Variants in MACROD2 observed in about 807,000 individuals in gnomAD.
The protein encoded by MACROD2 is ADP-ribose glycohydrolase MACROD2.
In MACROD2, 36 loss-of-function variants were observed where a neutral mutation model predicts 70.4. The observed-to-expected ratio is 0.51, with a 90% CI of 0.39 to 0.68. The LOEUF is 0.68. Ranked by LOEUF, MACROD2 falls within the 30% of genes least tolerant of loss-of-function variation. The probability of loss-of-function intolerance (pLI) is 0.00; values close to 1 mark genes in which losing one functional copy is unlikely to be tolerated. For synonymous variants in MACROD2, 172 were observed against 178.8 expected, an observed-to-expected ratio of 0.96 and a Z score of 0.30; for missense variants, 496 against 538.4, an observed-to-expected ratio of 0.92 and a Z score of 0.78.
At chr20:15,260,008 TG>T (rs2077234354) in intron 6 of MACROD2, among the ~76,000 whole-genome samples, 1 of 151,880 alleles carries the variant, frequency 6.6e-6, no homozygotes, top group African/African-American at 2.4e-5. Flanking sequence ...AAATTATGGA[TG>T]CATAATAGTT....
At chr20:15,518,043 G>A (rs1314317480) in intron 8 of MACROD2, among the ~76,000 whole-genome samples, 2 of 152,226 alleles carry the variant, frequency 1.3e-5, no homozygotes, top group Non-Finnish European at 2.9e-5. Context: ...AAAGGCATCT[G>A]CCATAAAGCT....
intron 10 of MACROD2, among the ~76,000 whole-genome samples, chr20:15,927,972 T>G (rs1028682570): frequency 2.0e-5 from 3 of 152,192 alleles, no homozygotes; most frequent in Non-Finnish European, 2.9e-5. Flanking sequence ...CAGACTACTG[T>G]GAACTAAAGA....
chr20:15,869,228 TATATATATATAGAG>T (rs1221335185), intron 9 of MACROD2, among the ~76,000 whole-genome samples: 1 of 43,946 alleles, frequency 2.3e-5, no homozygotes, highest in Admixed American at 2.7e-4. Context: ...TATATATATA[TATATATATATAGAG>T]AGAGAGAGAG....
chr20:14,475,033 T>C (rs929800628), intron 3 of MACROD2, among the ~76,000 whole-genome samples: 2 of 152,158 alleles, frequency 1.3e-5, no homozygotes, highest in East Asian at 3.9e-4. Context: ...GATCTTTTCT[T>C]TCTTTTTCTC....
At chr20:15,309,384 G>A (rs1460929873) in intron 6 of MACROD2, among the ~76,000 whole-genome samples, 2 of 152,130 alleles carry the variant, frequency 1.3e-5, no homozygotes, top group African/African-American at 4.8e-5. Flanking sequence ...CTTAATTAGG[G>A]AGGGCACTGA....
intron 8 of MACROD2, among the ~76,000 whole-genome samples, chr20:15,703,841 T>G (rs1031684636): frequency 6.6e-6 from 1 of 152,208 alleles, no homozygotes; most frequent in African/African-American, 2.4e-5. Context: ...AGGCTACTCC[T>G]CACAGAGCAA....
chr20:14,399,675 GATGCATATTAGGTTGTTTACATGC>G (rs537529829), intron 3 of MACROD2, among the ~76,000 whole-genome samples: 38 of 152,190 alleles, frequency 2.5e-4, no homozygotes, highest in African/African-American at 8.4e-4. Flanking sequence ...TGACTTTGGG[GATGCATATTAGGTTGTTTACATGC>G]ATGCATATTA....
chr20:16,011,706 T>C (rs985738788), intron 15 of MACROD2, among the ~76,000 whole-genome samples: 2 of 151,874 alleles, frequency 1.3e-5, no homozygotes, highest in Non-Finnish European at 2.9e-5. Flanking sequence ...CCAGATGCCC[T>C]TGAGGCAAAT....
intron 4 of MACROD2, among the ~76,000 whole-genome samples, chr20:14,541,073 A>G (rs1432363489): frequency 6.6e-6 from 1 of 152,230 alleles, no homozygotes; most frequent in East Asian, 1.9e-4. Context: ...ATCATATTAC[A>G]TCTTAATTAC....
At chr20:15,544,461 G>A (rs1206919632) in intron 8 of MACROD2, among the ~76,000 whole-genome samples, 1 of 152,180 alleles carries the variant, frequency 6.6e-6, no homozygotes, top group East Asian at 1.9e-4. Flanking sequence ...ATTATGCCAT[G>A]GAGACATGTG....
intron 3 of MACROD2, among the ~76,000 whole-genome samples, chr20:14,277,312 G>A (rs1202171692): frequency 6.6e-6 from 1 of 152,170 alleles, no homozygotes; most frequent in African/African-American, 2.4e-5. Flanking sequence ...GCTAGGCATG[G>A]TGGCACGCAC....
At chr20:14,861,644 A>C (rs1461004675) in intron 5 of MACROD2, among the ~76,000 whole-genome samples, 1 of 151,402 alleles carries the variant, frequency 6.6e-6, no homozygotes, top group African/African-American at 2.4e-5. Context: ...CTCACAATAA[A>C]CCCCACAAAC....
chr20:14,188,097 G>A (rs753975763), intron 3 of MACROD2, among the ~76,000 whole-genome samples: 28 of 152,072 alleles, frequency 1.8e-4, no homozygotes, highest in Non-Finnish European at 3.2e-4. Flanking sequence ...AATCTAAAGG[G>A]TATATGCTTT....
intron 5 of MACROD2, among the ~76,000 whole-genome samples, chr20:14,692,157 C>G (rs1329797814): frequency 6.6e-6 from 1 of 152,150 alleles, no homozygotes; most frequent in Non-Finnish European, 1.5e-5. Flanking sequence ...TACAAATTCT[C>G]AGGCCCCACC....
chr20:14,756,144 TCTC>T (rs1382505447), intron 5 of MACROD2, among the ~76,000 whole-genome samples: 1 of 152,122 alleles, frequency 6.6e-6, no homozygotes, highest in African/African-American at 2.4e-5. Context: ...ACCAGAAACA[TCTC>T]CTGTCTCACC....
intron 4 of MACROD2, among the ~76,000 whole-genome samples, chr20:14,659,669 T>G (rs1986135152): frequency 1.3e-5 from 2 of 152,190 alleles, no homozygotes; most frequent in Non-Finnish European, 2.9e-5. Flanking sequence ...AAGCGCCTGG[T>G]GAACAAATGC....
At chr20:14,518,808 C>T (rs1327729800) in intron 4 of MACROD2, among the ~76,000 whole-genome samples, 3 of 152,088 alleles carry the variant, frequency 2.0e-5, no homozygotes, top group Non-Finnish European at 4.4e-5. Flanking sequence ...GGATATAATT[C>T]ACATGAAATT....
At chr20:14,791,538 G>A (rs115721405) in intron 5 of MACROD2, among the ~76,000 whole-genome samples, 2,291 of 151,970 alleles carry the variant, frequency 0.015, 71 homozygotes, top group African/African-American at 0.052. Flanking sequence ...TTTTTTCTCT[G>A]GGCCTAATTT....
At chr20:15,105,997 CATG>C (rs1322582304) in intron 5 of MACROD2, among the ~76,000 whole-genome samples, 1 of 152,160 alleles carries the variant, frequency 6.6e-6, no homozygotes, top group African/African-American at 2.4e-5. Flanking sequence ...TAACACATAA[CATG>C]AGGTGATGAA....
Sources: gnomAD v4.1 joint callset for allele counts (sites outside exome capture counted in the v4.1 genomes callset) on GRCh38, gnomAD v4.1.1 for gene constraint, MANE v1.5 for transcripts, NCBI Gene and HGNC (gene_info 2026-07-23, HGNC 2026-07-21) for gene names.